NDUFB1: variants seen among roughly 807,000 people sequenced by gnomAD.
NDUFB1 encodes NADH:ubiquinone oxidoreductase subunit B1.
A neutral mutation model predicts 6.7 loss-of-function variants in NDUFB1; 6 were observed. That is an observed-to-expected ratio of 0.89 (90% CI 0.49 to 1.76). The LOEUF is 1.76. Among genes scored for constraint, NDUFB1 ranks in the 40% most tolerant of loss-of-function variants. The pLI is 0.01. For synonymous variants in NDUFB1, 17 were observed against 22.9 expected (o/e 0.74, Z 0.74); for missense variants, 56 against 71.0 (o/e 0.79, Z 0.76).
rs776893281 is a variant in NDUFB1, at chr14:92,116,161, A to C, written c.*32T>G. 6.3e-7 allele frequency: 1 copy of C among 1,593,172 alleles called. No individual in the cohort carries two copies. The highest frequency in any genetic ancestry group is 8.6e-7 in the Non-Finnish European group (1 of 1,161,288). On this transcript the variant is annotated 3_prime_UTR_variant, in exon 3 of 3. Coordinates refer to ENST00000605997, the MANE Select transcript of NDUFB1 (RefSeq NM_004545.4). ...ATGTTTTTATTTCTCTCAGAACTTT[A>C]AAATGTGAACATTCGATAATCTAGC...
chr14:92,117,052 A>G (rs1271633507), intron 2 of NDUFB1, among the ~76,000 whole-genome samples: 1 of 152,250 alleles, frequency 6.6e-6, no homozygotes, highest in East Asian at 1.9e-4. Flanking sequence ...GGCAGCTGCC[A>G]GTTGCTATCA....
intron 1 of NDUFB1, chr14:92,121,430 A>C: frequency 1.4e-6 from 1 of 725,152 alleles, no homozygotes; most frequent in Non-Finnish European, 2.2e-6. Context: ...TGACAGCCTC[A>C]GAAAACCCTT....
At chr14:92,118,296 ATGT>A (rs1163591078) in intron 1 of NDUFB1, 1 of 152,216 alleles carries the variant, frequency 6.6e-6, no homozygotes, top group Admixed American at 6.6e-5. Context: ...CACCCTCCTC[ATGT>A]TGTTTTGGAA....
intron 1 of NDUFB1, chr14:92,118,219 T>TA (rs1425710393): frequency 6.4e-6 from 1 of 156,262 alleles, no homozygotes; most frequent in Non-Finnish European, 1.4e-5. Context: ...AGTGATGTGA[T>TA]ACGATACAGA....
At chr14:92,120,784 C>G (rs936687600) in intron 1 of NDUFB1, among the ~76,000 whole-genome samples, 1 of 149,298 alleles carries the variant, frequency 6.7e-6, no homozygotes, top group Non-Finnish European at 1.5e-5. Context: ...AAACTCCTGA[C>G]CTCTTGATCC....
At position 92,120,648 on chromosome 14, in the gene NDUFB1, C is replaced by CTCTTTTTTTTTTTTTTTTTT. The variant is rs1555412866; in HGVS notation, c.-6+993_-6+994insAAAAAAAAAAAAAAAAAAGA. On this transcript the variant is annotated intron_variant, in intron 1 of 2. Transcript: ENST00000605997. ...TACAGGCGTGAGCCACCGCGCCCGG[C>CTCTTTTTTTTTTTTTTTTTT]CGTTCAAGTGATTTTCTTGCCTCAG... Among the ~76,000 whole-genome samples the CTCTTTTTTTTTTTTTTTTTT allele has an allele frequency of 3.3e-5, 5 of 149,366 alleles. No homozygotes were observed. In the East Asian group the frequency reaches 8.1e-4, roughly 24 times the overall value.
At chr14:92,120,916 C>T (rs1483385166) in intron 1 of NDUFB1, among the ~76,000 whole-genome samples, 1 of 151,312 alleles carries the variant, frequency 6.6e-6, no homozygotes, top group Non-Finnish European at 1.5e-5. Flanking sequence ...AATCCCAGCA[C>T]TTTGGGATGC....
intron 1 of NDUFB1, 114 bp from the exon 2 acceptor site, chr14:92,117,756 G>A: frequency 9.8e-7 from 1 of 1,022,356 alleles, no homozygotes; most frequent in Non-Finnish European, 1.5e-6. Context: ...CTAGCACTTT[G>A]GGATGCTGAG....
rs369914520 is a variant in NDUFB1, at chr14:92,121,672, G to C, written c.-36C>G. Reference sequence around the variant, plus strand: ...GCCTCAGCGCCTACAGCGACCCCGAGACCAAGGGCAACAGGGAACTCAACC... The same window carrying C: ...GCCTCAGCGCCTACAGCGACCCCGACACCAAGGGCAACAGGGAACTCAACC... On this transcript the variant is annotated 5_prime_UTR_variant, in exon 1 of 3. Transcript: ENST00000605997. The C allele has an allele frequency of 2.1e-5, 34 of 1,613,548 alleles. No homozygotes were observed. In the African/African-American group the frequency reaches 3.5e-4, roughly 16 times the overall value.
At chr14:92,121,152 A>G (rs2068758513) in intron 1 of NDUFB1, 1 of 169,076 alleles carries the variant, frequency 5.9e-6, no homozygotes, top group African/African-American at 2.4e-5. Flanking sequence ...ACAAGAGTGA[A>G]TCTCTGTCTC....
At position 92,121,646 on chromosome 14, in the gene NDUFB1, A is replaced by C. The variant is rs1443699535; in HGVS notation, c.-10T>G. The stretch of plus-strand genomic sequence containing the variant: ...CCCCGGGCTCCCCAAACCCACCTGC[A>C]GCCTCAGCGCCTACAGCGACCCCGA... On this transcript the variant is annotated 5_prime_UTR_variant, in exon 1 of 3. Transcript: ENST00000605997. 3 of 1,606,984 alleles carry C rather than the reference A, an allele frequency of 1.9e-6. No individual in the cohort carries two copies. The Admixed American group carries it at 5.1e-5, about 27-fold the overall frequency.
intron 1 of NDUFB1, chr14:92,117,971 C>T (rs2068728419): frequency 3.3e-6 from 1 of 299,150 alleles, no homozygotes; most frequent in Non-Finnish European, 6.4e-6. Flanking sequence ...GTACTTCAGC[C>T]TGGGCGACAG....
rs536644867 is a variant in NDUFB1 at position 92,117,159 on chromosome 14, G to T, written c.140+339C>A. ...TTATCTCAGCTATAGCATGTCTTAAGTAAGATAATATATGACAATATATGT... is the reference window on the plus strand; with the variant it reads ...TTATCTCAGCTATAGCATGTCTTAATTAAGATAATATATGACAATATATGT... On this transcript the variant is annotated intron_variant, in intron 2 of 2. Coordinates refer to ENST00000605997, the MANE Select transcript of NDUFB1 (RefSeq NM_004545.4). 2.9e-4 allele frequency among the ~76,000 whole-genome samples: 44 copies of T among 152,302 alleles called. No homozygotes were observed. In the South Asian group the frequency reaches 8.9e-3, roughly 31 times the overall value.
At chr14:92,119,914 T>A (rs571042449) in intron 1 of NDUFB1, among the ~76,000 whole-genome samples, 1 of 152,166 alleles carries the variant, frequency 6.6e-6, no homozygotes, top group Admixed American at 6.5e-5. Context: ...GGTGCTAATT[T>A]AAAAAAATTC....
intron 1 of NDUFB1, among the ~76,000 whole-genome samples, chr14:92,119,406 TAAGAA>T (rs1236881616): frequency 6.6e-6 from 1 of 152,130 alleles, no homozygotes; most frequent in Non-Finnish European, 1.5e-5. Flanking sequence ...ATTTTACAGA[TAAGAA>T]AACAGCTTAA....
chr14:92,116,326 A>ATTTTTT, intron 2 of NDUFB1, 97 bp from the exon 3 acceptor site: 5 of 698,058 alleles, frequency 7.2e-6, no homozygotes, highest in South Asian at 4.5e-5. Context: ...GCAATATTTC[A>ATTTTTT]TTTTCTTTTT....
At chr14:92,117,417 C>T in intron 2 of NDUFB1, 81 bp downstream of exon 2, 1 of 1,455,028 alleles carries the variant, frequency 6.9e-7, no homozygotes, top group Non-Finnish European at 9.6e-7. Flanking sequence ...AAAATTACCC[C>T]TTCTGTTTAT....
chr14:92,119,720 T>G (rs7158932), intron 1 of NDUFB1, among the ~76,000 whole-genome samples: 1 of 151,910 alleles, frequency 6.6e-6, no homozygotes, highest in East Asian at 1.9e-4. Flanking sequence ...TTCATTTGTG[T>G]TTTATATATA....
chr14:92,116,133 T>C lies in NDUFB1; in HGVS notation c.*60A>G. On this transcript the variant is annotated 3_prime_UTR_variant, in exon 3 of 3. Transcript: ENST00000605997. ...ATGAAAAGAAAGACATTTCAGATTC[T>C]TCATGTTTTTATTTCTCTCAGAACT... The C allele has an allele frequency of 6.9e-7, 1 of 1,449,148 alleles. No homozygotes were observed. The highest frequency in any genetic ancestry group is 9.7e-7 in the Non-Finnish European group (1 of 1,031,554). 89.8% of individuals were successfully genotyped at this position (1,449,148 alleles called of 1,614,324 possible). A position where few individuals can be genotyped will look rare whatever the true frequency, so the allele number is the denominator to read the frequency against.
Sources: gnomAD v4.1 joint callset for allele counts (sites outside exome capture counted in the v4.1 genomes callset) on GRCh38, gnomAD v4.1.1 for gene constraint, MANE v1.5 for transcripts, NCBI Gene and HGNC (gene_info 2026-07-23, HGNC 2026-07-21) for gene names.